Variants in BMPER observed in about 807,000 individuals in gnomAD.
BMPER encodes the protein BMP-binding endothelial regulator protein.
A neutral mutation model predicts 87.3 loss-of-function variants in BMPER; 45 were observed. The observed-to-expected ratio is 0.52, with a 90% CI of 0.41 to 0.66. BMPER has a LOEUF of 0.66. BMPER is among the 30% of genes least tolerant of loss of function. The probability of loss-of-function intolerance (pLI) is 0.00; values close to 1 mark genes in which losing one functional copy is unlikely to be tolerated. For missense variants in BMPER, 784 were observed against 867.5 expected (o/e 0.90, Z 1.21); for synonymous variants, 326 against 316.2 (o/e 1.03, Z -0.33).
At chr7:33,908,381 T>A (rs1175451554) in intron 2 of BMPER, among the ~76,000 whole-genome samples, 1 of 152,216 alleles carries the variant, frequency 6.6e-6, no homozygotes, top group Admixed American at 6.5e-5. Flanking sequence ...TTATCAAGCT[T>A]ACGTATGTAG....
intron 6 of BMPER, among the ~76,000 whole-genome samples, chr7:34,005,983 TG>T (rs1786721824): frequency 6.6e-6 from 1 of 152,058 alleles, no homozygotes; most frequent in Non-Finnish European, 1.5e-5. Context: ...TATAATGCCC[TG>T]GCAATTTGCT....
In BMPER at chr7:34,058,076, C is replaced by A. The variant is rs1241369115; in HGVS notation, c.945C>A (p.Ser315=). Residue 315 remains serine, a synonymous_variant, in exon 10 of 15, where the codon TCC becomes TCA. Coordinates refer to ENST00000649409, the MANE Select transcript of BMPER (RefSeq NM_001365308.1). ...NKIFQDGEMW[S]SINCTICACV... ...TCTTGTAGGATGGAGAGATGTGGTC[C>A]TCTATCAATTGTACCATCTGTGCTT... 1 of 1,613,928 alleles carries A rather than the reference C, an allele frequency of 6.2e-7. No homozygotes were observed. The highest frequency in any genetic ancestry group is 1.3e-5 in the African/African-American group (1 of 74,890).
chr7:34,049,486 C>A (rs17169632), intron 7 of BMPER, among the ~76,000 whole-genome samples: 14,412 of 152,020 alleles, frequency 0.095, 798 homozygotes, highest in African/African-American at 0.16. Context: ...CAATATTGCC[C>A]GCTATAATGG....
chr7:33,997,293 C>T (rs1786440821), intron 6 of BMPER, among the ~76,000 whole-genome samples: 1 of 152,180 alleles, frequency 6.6e-6, no homozygotes, highest in Non-Finnish European at 1.5e-5. Context: ...CAAGACTCTC[C>T]TTCTGATATG....
chr7:33,988,950 A>C (rs56734768), intron 6 of BMPER, among the ~76,000 whole-genome samples: 16,709 of 128,826 alleles, frequency 0.13, 1,062 homozygotes, highest in Middle Eastern at 0.21. Context: ...TGAACTCATC[A>C]TTTTTTATGG....
At chr7:34,053,317 T>G (rs993392161) in intron 8 of BMPER, among the ~76,000 whole-genome samples, 2 of 152,204 alleles carry the variant, frequency 1.3e-5, no homozygotes, top group Non-Finnish European at 2.9e-5. Flanking sequence ...TTATTTTCTG[T>G]CTGCTTTGAG....
At chr7:34,051,801 T>C (rs1788151422) in intron 7 of BMPER, 60 bp from the exon 8 acceptor site, 1 of 1,403,256 alleles carries the variant, frequency 7.1e-7, no homozygotes, top group Admixed American at 1.7e-5. Context: ...GAATCACCGA[T>C]GACAAAATGG....
chr7:34,104,137 T>C (rs1585838466), intron 13 of BMPER, among the ~76,000 whole-genome samples: 1 of 152,248 alleles, frequency 6.6e-6, no homozygotes, highest in East Asian at 1.9e-4. Flanking sequence ...CTTCTCCCTG[T>C]TCCAGCCCAG....
intron 12 of BMPER, among the ~76,000 whole-genome samples, chr7:34,081,283 C>A (rs1424248242): frequency 1.3e-5 from 2 of 152,308 alleles, no homozygotes; most frequent in African/African-American, 4.8e-5. Context: ...AATATCACAG[C>A]ATTTCCTTTG....
chr7:34,120,438 G>T (rs1470104996), intron 13 of BMPER, among the ~76,000 whole-genome samples: 2 of 149,390 alleles, frequency 1.3e-5, no homozygotes, highest in Non-Finnish European at 3.0e-5. Context: ...TGCTCTCGTT[G>T]CCCAGACTGG....
chr7:33,986,238 T>C (rs1169961797), intron 6 of BMPER, among the ~76,000 whole-genome samples: 1 of 152,146 alleles, frequency 6.6e-6, no homozygotes, highest in East Asian at 1.9e-4. Context: ...AAGAGAACTA[T>C]CCAGAATCCC....
chr7:34,150,148 A>C (rs929128869), intron 14 of BMPER, among the ~76,000 whole-genome samples: 7 of 152,108 alleles, frequency 4.6e-5, no homozygotes, highest in African/African-American at 1.7e-4. Flanking sequence ...TGGGATGGGG[A>C]AGTGCTTCAG....
chr7:34,063,864 A>G (rs1788505282), intron 11 of BMPER, among the ~76,000 whole-genome samples: 1 of 152,232 alleles, frequency 6.6e-6, no homozygotes, highest in South Asian at 2.1e-4. Context: ...TTCCAGTTGA[A>G]GCAGAGACAG....
At chr7:34,054,162 G>T (rs891569646) in intron 8 of BMPER, among the ~76,000 whole-genome samples, 1 of 152,060 alleles carries the variant, frequency 6.6e-6, no homozygotes, top group Non-Finnish European at 1.5e-5. Context: ...CTTACATTGC[G>T]AAGAACTCCT....
At position 34,028,793 on chromosome 7, in the gene BMPER, G is replaced by A. The variant is rs115765463; in HGVS notation, c.577-17513G>A. On this transcript the variant is annotated intron_variant, in intron 6 of 14. Coordinates refer to ENST00000649409, the MANE Select transcript of BMPER (RefSeq NM_001365308.1). Reference sequence around the variant, plus strand: ...TACTCACCTGAAGCAGAATAGAGGAGCCTGTGTAGAGTAAACACAAATTGC... The same window carrying A: ...TACTCACCTGAAGCAGAATAGAGGAACCTGTGTAGAGTAAACACAAATTGC... Among the ~76,000 whole-genome samples the A allele has an allele frequency of 5.5e-3, 835 of 151,720 alleles. 5 individuals carry two copies. Among genetic ancestry groups the A allele is most frequent in the African/African-American group, 0.019 (785 of 41,378 alleles).
chr7:34,109,980 A>G (rs1284714396), intron 13 of BMPER, among the ~76,000 whole-genome samples: 3 of 152,138 alleles, frequency 2.0e-5, no homozygotes, highest in Admixed American at 1.3e-4. Context: ...GCTGACAGTC[A>G]CTATACAGCA....
At chr7:34,004,486 T>G (rs1233657230) in intron 6 of BMPER, among the ~76,000 whole-genome samples, 1 of 152,174 alleles carries the variant, frequency 6.6e-6, no homozygotes, top group Non-Finnish European at 1.5e-5. Flanking sequence ...ATTGTTTTTG[T>G]TGAAAACTGG....
In BMPER at chr7:34,129,117, G is replaced by A. The variant is rs190639754; in HGVS notation, c.1746-14113G>A. Among the ~76,000 whole-genome samples, 254 of 152,086 alleles carry A rather than the reference G, an allele frequency of 1.7e-3. 1 individual carries two copies. Among genetic ancestry groups the A allele is most frequent in the African/African-American group, 5.8e-3 (239 of 41,490 alleles). On this transcript the variant is annotated intron_variant, in intron 13 of 14. Transcript: ENST00000649409. ...ATCTATAAAGGTTACCCCTTCCTCC[G>A]CCAAAAAATGGCTTCTCAATTTCAG...
At chr7:34,103,660 A>G (rs1789744306) in intron 13 of BMPER, among the ~76,000 whole-genome samples, 1 of 152,220 alleles carries the variant, frequency 6.6e-6, no homozygotes, top group Non-Finnish European at 1.5e-5. Context: ...TTGGAAGCAC[A>G]TAGATTTTTA....
Sources: allele counts gnomAD v4.1 joint callset (sites outside exome capture counted in the v4.1 genomes callset), GRCh38; gene constraint gnomAD v4.1.1; transcripts MANE v1.5; gene names NCBI Gene and HGNC (gene_info 2026-07-23, HGNC 2026-07-21).